GLIS3: variants seen among roughly 807,000 people sequenced by gnomAD.
The protein encoded by GLIS3 is zinc finger protein GLIS3.
GLIS3 carries 53 observed loss-of-function variants against 78.6 expected under a neutral mutation model. That is an observed-to-expected ratio of 0.67 (90% confidence interval 0.54 to 0.85). The LOEUF (loss-of-function observed/expected upper bound fraction) is 0.85, where lower values mean the gene tolerates loss of function less well. Among genes scored for constraint, GLIS3 ranks in the 40% least tolerant of loss-of-function variants. The pLI, the probability that GLIS3 is intolerant of heterozygous loss-of-function variation, is 0.00. For synonymous variants in GLIS3, 684 were observed against 509.9 expected (o/e 1.34, Z -4.60); for missense variants, 1,703 against 1,231.1 (o/e 1.38, Z -5.74).
intron 4 of GLIS3, among the ~76,000 whole-genome samples, chr9:3,995,808 C>A (rs548089655): frequency 9.2e-5 from 14 of 152,000 alleles, no homozygotes; most frequent in Admixed American, 5.9e-4. Context: ...TTAAAAGGCA[C>A]AGAAGGTAGA....
the GLIS3 span, among the ~76,000 whole-genome samples, chr9:4,370,365 G>C: frequency 0.14 from 21,957 of 151,970 alleles, 2,193 homozygotes; most frequent in African/African-American, 0.28. Context: ...ACCCTTCCCT[G>C]AGAGCCATGG....
intron 1 of GLIS3, chr9:4,298,346 G>A (rs1289536420): frequency 8.8e-6 from 4 of 455,654 alleles, no homozygotes; most frequent in African/African-American, 8.0e-5. Context: ...CGAACGCGGA[G>A]CCAGAAACCC....
chr9:4,446,629 C>A, the GLIS3 span, among the ~76,000 whole-genome samples: 1 of 150,822 alleles, frequency 6.6e-6, no homozygotes, highest in Admixed American at 6.6e-5. Context: ...CCTGCCTCAG[C>A]CTCCTAAGTA....
At chr9:4,460,216 G>C in the GLIS3 span, among the ~76,000 whole-genome samples, 119 of 152,270 alleles carry the variant, frequency 7.8e-4, no homozygotes, top group Admixed American at 2.2e-3. Context: ...TATAAATGTG[G>C]ATGGAGAAAG....
intron 2 of GLIS3, among the ~76,000 whole-genome samples, chr9:4,321,802 G>A (rs1436175216): frequency 2.0e-5 from 3 of 152,034 alleles, no homozygotes; most frequent in Non-Finnish European, 1.5e-5. Flanking sequence ...TCCACCTCCC[G>A]GATTCAAGTG....
chr9:4,315,486 C>A (rs904062901), intron 2 of GLIS3, among the ~76,000 whole-genome samples: 1 of 152,188 alleles, frequency 6.6e-6, no homozygotes, highest in Non-Finnish European at 1.5e-5. Context: ...AAATGAACCT[C>A]TATTTTTTAA....
intron 4 of GLIS3, among the ~76,000 whole-genome samples, chr9:4,043,718 C>G (rs1413699582): frequency 6.6e-6 from 1 of 152,192 alleles, no homozygotes; most frequent in Non-Finnish European, 1.5e-5. Flanking sequence ...ACAGAAAGAT[C>G]TGTTTTCACA....
At chr9:4,403,890 G>C in the GLIS3 span, among the ~76,000 whole-genome samples, 1 of 152,074 alleles carries the variant, frequency 6.6e-6, no homozygotes, top group Non-Finnish European at 1.5e-5. Flanking sequence ...ATAATACTGA[G>C]TGAAAATTGA....
intron 2 of GLIS3, among the ~76,000 whole-genome samples, chr9:4,260,063 C>T (rs551627629): frequency 6.3e-5 from 9 of 143,342 alleles, no homozygotes; most frequent in East Asian, 2.1e-4. Context: ...ATAGAAGGAA[C>T]GATAGTGACC....
chr9:4,050,455 G>A (rs1418584999), intron 4 of GLIS3, among the ~76,000 whole-genome samples: 4 of 152,134 alleles, frequency 2.6e-5, no homozygotes, highest in Non-Finnish European at 5.9e-5. Flanking sequence ...TGGTGGGTGG[G>A]GGTCTGGGGG....
intron 1 of GLIS3, among the ~76,000 whole-genome samples, chr9:4,292,106 T>C (rs1055763557): frequency 4.6e-5 from 7 of 152,156 alleles, no homozygotes; most frequent in African/African-American, 1.7e-4. Flanking sequence ...GAAAGTACCA[T>C]GCCTTGGGCC....
chr9:4,418,409 C>T, the GLIS3 span, among the ~76,000 whole-genome samples: 13 of 152,216 alleles, frequency 8.5e-5, no homozygotes, highest in Admixed American at 6.5e-5. Flanking sequence ...TTTGCTCTAT[C>T]TGTAAAACCT....
intron 7 of GLIS3, among the ~76,000 whole-genome samples, chr9:3,897,519 C>T (rs1350400541): frequency 6.6e-6 from 1 of 151,976 alleles, no homozygotes. Context: ...TGTATATGAA[C>T]CTGTACCTGA....
At chr9:4,037,571 C>G (rs1443760712) in intron 4 of GLIS3, among the ~76,000 whole-genome samples, 1 of 151,250 alleles carries the variant, frequency 6.6e-6, no homozygotes, top group African/African-American at 2.4e-5. Context: ...CACACACACA[C>G]ACACACACAC....
At chr9:3,912,689 A>T (rs569048412) in intron 6 of GLIS3, among the ~76,000 whole-genome samples, 13 of 152,340 alleles carry the variant, frequency 8.5e-5, no homozygotes, top group African/African-American at 3.1e-4. Context: ...AATGATACAC[A>T]AATGACACAC....
At chr9:4,130,306 T>A (rs940954592) in intron 2 of GLIS3, among the ~76,000 whole-genome samples, 1 of 152,154 alleles carries the variant, frequency 6.6e-6, no homozygotes, top group African/African-American at 2.4e-5. Context: ...GCTGCAGAAA[T>A]TTGCATAAGT....
chr9:3,878,737 C>A (rs1362225773), intron 8 of GLIS3: 4 of 153,630 alleles, frequency 2.6e-5, no homozygotes, highest in African/African-American at 9.7e-5. Flanking sequence ...TCCAAAGCTA[C>A]CTGTACTGAT....
chr9:4,143,883 G>A lies in GLIS3; in HGVS notation c.389-17942C>T, dbSNP rs1339184202. Among the ~76,000 whole-genome samples, 9 of 152,292 alleles carry A rather than the reference G, an allele frequency of 5.9e-5. No individual in the cohort carries two copies. In the East Asian group the frequency reaches 9.7e-4, roughly 16 times the overall value. ...TCAAGCACACTGAACTATCTATGGCGAAACCATCTAAATGTTTGAAAGAGA... is the reference window on the plus strand; with the variant it reads ...TCAAGCACACTGAACTATCTATGGCAAAACCATCTAAATGTTTGAAAGAGA... On this transcript the variant is annotated intron_variant, in intron 2 of 10. Transcript: ENST00000381971.
At chr9:4,009,990 C>T (rs547369882) in intron 4 of GLIS3, among the ~76,000 whole-genome samples, 2 of 152,276 alleles carry the variant, frequency 1.3e-5, no homozygotes, top group African/African-American at 2.4e-5. Flanking sequence ...GGGGTCTCTA[C>T]GTCAGCACTG....
Sources: allele counts gnomAD v4.1 joint callset (sites outside exome capture counted in the v4.1 genomes callset), GRCh38; gene constraint gnomAD v4.1.1; transcripts MANE v1.5; gene names NCBI Gene and HGNC (gene_info 2026-07-23, HGNC 2026-07-21).